The following POLR3G variants were observed in gnomAD, a reference collection of about 807,000 sequenced individuals.
The protein encoded by POLR3G is RNA polymerase III subunit G.
Under a neutral mutation model 30.1 loss-of-function variants are expected in POLR3G, and 28 were observed. The ratio of observed to expected loss-of-function variants is 0.93; its 90% confidence interval spans 0.69 to 1.27. The LOEUF (loss-of-function observed/expected upper bound fraction) is 1.27, where lower values mean the gene tolerates loss of function less well. Ranked by LOEUF, POLR3G falls within the 50% of genes most tolerant of loss-of-function variation. The probability of loss-of-function intolerance (pLI) is 0.00; values close to 1 mark genes in which losing one functional copy is unlikely to be tolerated. For synonymous variants in POLR3G, 79 were observed against 82.5 expected (o/e 0.96, Z 0.23); for missense variants, 254 against 264.6 (o/e 0.96, Z 0.28).
At chr5:90,489,543 A>C (rs1197490627) in intron 3 of POLR3G, among the ~76,000 whole-genome samples, 1 of 152,114 alleles carries the variant, frequency 6.6e-6, no homozygotes, top group African/African-American at 2.4e-5. Flanking sequence ...GATTACAGAC[A>C]GACGTGAGCC....
chr5:90,482,235 C>G (rs955685208), intron 1 of POLR3G, among the ~76,000 whole-genome samples: 4 of 152,166 alleles, frequency 2.6e-5, no homozygotes, highest in Non-Finnish European at 1.5e-5. Flanking sequence ...AAAGTCATAA[C>G]TGAGAAAATT....
upstream of POLR3G, chr5:90,474,319 G>GT: frequency 6.2e-7 from 1 of 1,603,190 alleles, no homozygotes. Flanking sequence ...GCCAGGCGGG[G>GT]TGAGTGTGGG....
At chr5:90,484,079 G>A (rs1751287092) in intron 1 of POLR3G, among the ~76,000 whole-genome samples, 1 of 152,190 alleles carries the variant, frequency 6.6e-6, no homozygotes. Flanking sequence ...CACCTGGGAA[G>A]CTTCTAAAAC....
At chr5:90,493,516 G>A (rs1751834609) in intron 3 of POLR3G, among the ~76,000 whole-genome samples, 2 of 151,822 alleles carry the variant, frequency 1.3e-5, no homozygotes, top group Admixed American at 1.3e-4. Flanking sequence ...CCAAAGTGCT[G>A]GGATTACATC....
chr5:90,502,781 C>T, intron 6 of POLR3G, among the ~76,000 whole-genome samples: 2 of 144,524 alleles, frequency 1.4e-5, no homozygotes, highest in South Asian at 2.2e-4. Flanking sequence ...CCATATAAGT[C>T]TGTGTAGAGT....
chr5:90,508,495 A>T (rs1580221804), intron 7 of POLR3G, among the ~76,000 whole-genome samples: 1 of 151,710 alleles, frequency 6.6e-6, no homozygotes, highest in Admixed American at 6.6e-5. Flanking sequence ...ATTGTAAAAC[A>T]TGTTCATTTC....
chr5:90,506,294 T>C (rs532886560), intron 6 of POLR3G, among the ~76,000 whole-genome samples: 13 of 152,258 alleles, frequency 8.5e-5, no homozygotes, highest in African/African-American at 3.1e-4. Flanking sequence ...ATAAGCCCAA[T>C]ATTAATCTGA....
At chr5:90,474,482 T>G, upstream of POLR3G, 1 of 594,142 alleles carries the variant, frequency 1.7e-6, no homozygotes, top group Non-Finnish European at 3.0e-6. Context: ...ACGCTGCCCG[T>G]AGCGTGCGCT....
At position 90,511,329 on chromosome 5, in the gene POLR3G, T is replaced by C. The variant is rs534471302; in HGVS notation, c.586-724T>C. 1.9e-3 allele frequency among the ~76,000 whole-genome samples: 254 copies of C among 131,816 alleles called. 1 individual carries two copies. The highest frequency in any genetic ancestry group is 6.4e-3 in the African/African-American group (245 of 38,460). The allele number at this position is 131,816 out of a possible 152,430, so 86.5% of individuals were successfully genotyped here. A position where few individuals can be genotyped will look rare whatever the true frequency, so the allele number is the denominator to read the frequency against. On this transcript the variant is annotated intron_variant, in intron 7 of 7. Coordinates refer to ENST00000651687, the MANE Select transcript of POLR3G (RefSeq NM_006467.3). ...CCAGTATTGAATTTTCTTGGTTGTC[T>C]CAAAAAGTTTGTTTGTTCCAAACAG...
intron 1 of POLR3G, among the ~76,000 whole-genome samples, chr5:90,479,181 C>G (rs1750997494): frequency 6.6e-6 from 1 of 151,608 alleles, no homozygotes; most frequent in South Asian, 2.1e-4. Context: ...TAACACAGAA[C>G]CAACAAACAG....
intron 4 of POLR3G, among the ~76,000 whole-genome samples, 194 bp downstream of exon 4, chr5:90,495,927 C>G (rs1271150346): frequency 6.6e-6 from 1 of 151,196 alleles, no homozygotes; most frequent in Non-Finnish European, 1.5e-5. Flanking sequence ...AGTTGAAGTG[C>G]TTTTGTGGAA....
chr5:90,482,797 A>G (rs1392684520), intron 1 of POLR3G, among the ~76,000 whole-genome samples: 1 of 152,038 alleles, frequency 6.6e-6, no homozygotes, highest in Non-Finnish European at 1.5e-5. Context: ...GAGCCAACCT[A>G]TCTGCGCTTC....
chr5:90,478,569 C>CTGTTTTTTTTTTTT (rs1750957077), intron 1 of POLR3G, among the ~76,000 whole-genome samples: 1 of 79,334 alleles, frequency 1.3e-5, no homozygotes, highest in Non-Finnish European at 2.3e-5. Flanking sequence ...CTGCGTGGTT[C>CTGTTTTTTTTTTTT]TTTTTTTTTT....
At chr5:90,498,498 G>T (rs1287444974) in intron 5 of POLR3G, among the ~76,000 whole-genome samples, 5 of 151,892 alleles carry the variant, frequency 3.3e-5, no homozygotes, top group Non-Finnish European at 7.4e-5. Flanking sequence ...AGTGTTTAGC[G>T]CCCACTTATA....
chr5:90,487,740 T>C (rs1441661294), intron 2 of POLR3G, among the ~76,000 whole-genome samples: 4 of 152,100 alleles, frequency 2.6e-5, no homozygotes, highest in Non-Finnish European at 4.4e-5. Context: ...ACAGACTGTT[T>C]GGCAAAATGA....
In POLR3G at chr5:90,513,688, A is replaced by G. The variant is rs1281508523; in HGVS notation, c.*1549A>G. ...TGGCAATACTTTCTTAAATAATTCA[A>G]GATGGGTGTGAGGACCTATCTTATT... On this transcript the variant is annotated 3_prime_UTR_variant, in exon 8 of 8. Transcript: ENST00000651687. 6.6e-6 allele frequency: 1 copy of G among 152,238 alleles called. No individual in the cohort carries two copies. The highest frequency in any genetic ancestry group is 1.5e-5 in the Non-Finnish European group (1 of 68,042). The allele number at this position is 152,238 out of a possible 1,614,324, so 9.4% of individuals were successfully genotyped here. A position where few individuals can be genotyped will look rare whatever the true frequency, so the allele number is the denominator to read the frequency against.
At chr5:90,492,613 T>C (rs1007210713) in intron 3 of POLR3G, among the ~76,000 whole-genome samples, 12 of 152,260 alleles carry the variant, frequency 7.9e-5, no homozygotes, top group African/African-American at 2.9e-4. Flanking sequence ...CCGGGCGCAG[T>C]GGCTCACCCC....
At chr5:90,486,470 A>G (rs1311853778) in intron 2 of POLR3G, among the ~76,000 whole-genome samples, 1 of 152,180 alleles carries the variant, frequency 6.6e-6, no homozygotes, top group African/African-American at 2.4e-5. Flanking sequence ...CTACTGGGTA[A>G]AAGGCTCTGC....
intron 6 of POLR3G, among the ~76,000 whole-genome samples, chr5:90,505,084 C>G (rs1245317112): frequency 6.6e-6 from 1 of 152,064 alleles, no homozygotes; most frequent in Admixed American, 6.6e-5. Context: ...TCCTTAAATT[C>G]AAATTTGAAT....
Sources: gnomAD v4.1 joint callset for allele counts (sites outside exome capture counted in the v4.1 genomes callset) on GRCh38, gnomAD v4.1.1 for gene constraint, MANE v1.5 for transcripts, NCBI Gene and HGNC (gene_info 2026-07-23, HGNC 2026-07-21) for gene names.